Variants in RNMT observed in about 807,000 individuals in gnomAD.
The protein encoded by RNMT is RNA guanine-7 methyltransferase.
In RNMT, 27 loss-of-function variants were observed where a neutral mutation model predicts 56.0. The observed-to-expected ratio is 0.48, with a 90% CI of 0.36 to 0.67. The LOEUF (loss-of-function observed/expected upper bound fraction) is 0.67, where lower values mean the gene tolerates loss of function less well. Ranked by LOEUF, RNMT falls within the 30% of genes least tolerant of loss-of-function variation. RNMT has a pLI of 0.00. For synonymous variants in RNMT, 184 were observed against 176.2 expected (o/e 1.04, Z -0.35); for missense variants, 519 against 552.1 (o/e 0.94, Z 0.60).
chr18:13,762,474 T>A lies in RNMT; in HGVS notation c.*2495T>A, dbSNP rs574185194. On this transcript the variant is annotated 3_prime_UTR_variant, in exon 12 of 12. Coordinates refer to ENST00000383314, the MANE Select transcript of RNMT (RefSeq NM_003799.3). ...CTGTGCCTTCAGTACCCAGCCAGGT[T>A]CTCTGGGTCCAGGGTGACTCTCCAA... is the stretch of plus-strand genomic sequence containing the variant. The A allele has an allele frequency of 1.9e-4, 48 of 258,434 alleles. No homozygotes were observed. Among genetic ancestry groups the A allele is most frequent in the African/African-American group, 1.0e-3 (46 of 43,990 alleles). The allele number at this position is 258,434 out of a possible 1,614,324, so 16.0% of individuals were successfully genotyped here. A position where few individuals can be genotyped will look rare whatever the true frequency, so the allele number is the denominator to read the frequency against.
intron 4 of RNMT, among the ~76,000 whole-genome samples, chr18:13,735,210 T>C (rs2044138842): frequency 6.6e-6 from 1 of 152,144 alleles, no homozygotes; most frequent in Non-Finnish European, 1.5e-5. Flanking sequence ...AAATTTTTCA[T>C]AATAAAGATT....
At position 13,746,227 on chromosome 18, in the gene RNMT, A is replaced by G. The variant is rs757770486; in HGVS notation, c.1147A>G (p.Lys383Glu). The change falls in exon 9 of 12, where the codon AAG becomes GAG. Residue 383 changes from lysine (K) to glutamate (E), a missense_variant. Transcript: ENST00000383314. ...VYFPLLNEMA[K>E]KYNMKLVYKK... is the part of the protein sequence containing the mutation. ...GTATTCTTTTTTGGACAGAATGGCA[A>G]AGAAGTACAATATGAAACTAGTCTA... The G allele has an allele frequency of 6.8e-7, 1 of 1,478,220 alleles. No individual in the cohort carries two copies. The highest frequency in any genetic ancestry group is 1.2e-5 in the South Asian group (1 of 83,572). 91.6% of individuals were successfully genotyped at this position (1,478,220 alleles called of 1,614,324 possible). A position where few individuals can be genotyped will look rare whatever the true frequency, so the allele number is the denominator to read the frequency against.
At chr18:13,758,002 GTA>G (rs747238305) in intron 11 of RNMT, among the ~76,000 whole-genome samples, 5 of 152,144 alleles carry the variant, frequency 3.3e-5, no homozygotes, top group Non-Finnish European at 7.3e-5. Context: ...GGGTGACCAG[GTA>G]TATTGCCAAT....
chr18:13,742,811 A>G (rs187319357), intron 8 of RNMT, 159 bp downstream of exon 8: 8,791 of 557,666 alleles, frequency 0.016, 106 homozygotes, highest in Middle Eastern at 0.043. Context: ...AAAAAACAAA[A>G]CAAGACTAGC....
chr18:13,753,967 A>G, intron 10 of RNMT, 147 bp from the exon 11 acceptor site: 4 of 565,074 alleles, frequency 7.1e-6, no homozygotes, highest in Admixed American at 3.1e-5. Flanking sequence ...TTATATGCTC[A>G]GGTCACAATA....
intron 10 of RNMT, among the ~76,000 whole-genome samples, chr18:13,753,378 T>G (rs992752622): frequency 2.0e-5 from 3 of 151,982 alleles, no homozygotes; most frequent in Admixed American, 6.5e-5. Context: ...GGCAGGAGAA[T>G]GGGGTGAACC....
chr18:13,732,000 G>A lies in RNMT; in HGVS notation c.417+66G>A, dbSNP rs1303949683. On this transcript the variant is annotated intron_variant, in intron 3 of 11. Transcript: ENST00000383314. ...TAAGTTTGAAATGTGGAACACCCGTGGATTCATACTGGTTTTTACATAATA... is the reference window on the plus strand; with the variant it reads ...TAAGTTTGAAATGTGGAACACCCGTAGATTCATACTGGTTTTTACATAATA... 11 of 1,282,874 alleles carry A rather than the reference G, an allele frequency of 8.6e-6. No individual in the cohort carries two copies. The Admixed American group carries it at 9.2e-5, about 11-fold the overall frequency. 79.5% of individuals were successfully genotyped at this position (1,282,874 alleles called of 1,614,324 possible).
rs2044639767 is a variant in RNMT, at chr18:13,763,146, T to A, written c.*3167T>A. 2.2e-6 allele frequency: 1 copy of A among 456,026 alleles called. No homozygotes were observed. Among genetic ancestry groups the A allele is most frequent in the Non-Finnish European group, 4.4e-6 (1 of 226,764 alleles). The allele number at this position is 456,026 out of a possible 1,614,324, so 28.2% of individuals were successfully genotyped here. On this transcript the variant is annotated 3_prime_UTR_variant, in exon 12 of 12. Coordinates refer to ENST00000383314, the MANE Select transcript of RNMT (RefSeq NM_003799.3). ...AAATAGGAAGTACAAGTGTGTGATG[T>A]TAGAACCTCCCTAGTTGCTGCTATA... is the stretch of plus-strand genomic sequence containing the variant.
At position 13,760,895 on chromosome 18, in the gene RNMT, A is replaced by G. The variant is rs1214139532; in HGVS notation, c.*916A>G. On this transcript the variant is annotated 3_prime_UTR_variant, in exon 12 of 12. Coordinates refer to ENST00000383314, the MANE Select transcript of RNMT (RefSeq NM_003799.3). ...TTACAACCTCAGCACTTTGCACCGT[A>G]GGAGCCATTGTTAAAGTTGTCACTT... is the stretch of plus-strand genomic sequence containing the variant. 2.0e-6 allele frequency: 2 copies of G among 985,314 alleles called. No individual in the cohort carries two copies. Among genetic ancestry groups the G allele is most frequent in the Non-Finnish European group, 2.4e-6 (2 of 829,934 alleles). The allele number at this position is 985,314 out of a possible 1,614,324, so 61.0% of individuals were successfully genotyped here.
chr18:13,735,738 A>G (rs1406415056), intron 4 of RNMT, among the ~76,000 whole-genome samples: 3 of 152,240 alleles, frequency 2.0e-5, no homozygotes, highest in South Asian at 2.1e-4. Context: ...TATAATCAGA[A>G]AAGAGGTATT....
At chr18:13,739,215 A>T (rs1456736410) in intron 5 of RNMT, among the ~76,000 whole-genome samples, 1 of 152,214 alleles carries the variant, frequency 6.6e-6, no homozygotes, top group Non-Finnish European at 1.5e-5. Context: ...CTTGAAGATG[A>T]CCATCATACT....
intron 9 of RNMT, 29 bp downstream of exon 9, chr18:13,746,366 T>C: frequency 2.4e-6 from 3 of 1,257,970 alleles, no homozygotes; most frequent in Non-Finnish European, 3.4e-6. Flanking sequence ...TGTACAAATT[T>C]CAGTCATGGT....
Position 13,752,354 on chromosome 18 carries a change from T to C in RNMT, c.1286T>C (p.Leu429Pro). ...TATCCTGCAAATGAGAGTTCTAAAC[T>C]TGTCTCTGAGAAGGTGGATGACTAT... ...EPYPANESSK[L>P]VSEKVDDYEH... The change falls in exon 10 of 12, where the codon CTT (leucine) becomes CCT (proline). Residue 429 changes from leucine (L) to proline (P), a missense_variant. Coordinates refer to ENST00000383314, the MANE Select transcript of RNMT (RefSeq NM_003799.3). 6.2e-7 allele frequency: 1 copy of C among 1,613,124 alleles called. No homozygotes were observed. Among genetic ancestry groups the C allele is most frequent in the East Asian group, 2.2e-5 (1 of 44,818 alleles).
intron 10 of RNMT, among the ~76,000 whole-genome samples, chr18:13,753,081 T>G (rs1431843141): frequency 3.3e-5 from 5 of 152,234 alleles, no homozygotes; most frequent in Non-Finnish European, 1.5e-5. Flanking sequence ...ATTTTGTTAT[T>G]CCTTTGAAAA....
intron 9 of RNMT, 170 bp from the exon 10 acceptor site, chr18:13,752,156 C>A: frequency 1.8e-6 from 1 of 561,858 alleles, no homozygotes; most frequent in East Asian, 2.9e-5. Flanking sequence ...AGAGAGGATT[C>A]TTCCTTTTTT....
At chr18:13,746,938 G>T (rs1356176544) in intron 9 of RNMT, among the ~76,000 whole-genome samples, 2 of 152,184 alleles carry the variant, frequency 1.3e-5, no homozygotes, top group Non-Finnish European at 2.9e-5. Flanking sequence ...GACCTCTCCT[G>T]TCCTAATGCA....
chr18:13,741,008 C>T (rs8097099), intron 6 of RNMT, among the ~76,000 whole-genome samples: 2,287 of 152,272 alleles, frequency 0.015, 56 homozygotes, highest in African/African-American at 0.052. Flanking sequence ...AAAGTCTCAC[C>T]ATGAACTTTT....
chr18:13,742,806 A>AC (rs1436772229), intron 8 of RNMT, 154 bp downstream of exon 8: 39 of 555,980 alleles, frequency 7.0e-5, no homozygotes, highest in African/African-American at 6.9e-4. Context: ...AAAAAAAAAA[A>AC]CAAAACAAGA....
chr18:13,743,816 A>G (rs972811741), intron 8 of RNMT, among the ~76,000 whole-genome samples: 1 of 151,834 alleles, frequency 6.6e-6, no homozygotes, highest in African/African-American at 2.4e-5. Context: ...GGGTTACAGT[A>G]TTTTCAGGAG....
Sources: allele counts gnomAD v4.1 joint callset (sites outside exome capture counted in the v4.1 genomes callset), GRCh38; gene constraint gnomAD v4.1.1; transcripts MANE v1.5; gene names NCBI Gene and HGNC (gene_info 2026-07-23, HGNC 2026-07-21).